The following WDR59 variants were observed in gnomAD, a reference collection of about 807,000 sequenced individuals.
WDR59 encodes WD repeat domain 59, also known as GATOR2 complex protein WDR59.
Under a neutral mutation model 131.2 loss-of-function variants are expected in WDR59, and 100 were observed. That is an observed-to-expected ratio of 0.76 (90% CI 0.65 to 0.90). WDR59 has a LOEUF of 0.90. WDR59 is among the 40% of genes least tolerant of loss of function. The probability of loss-of-function intolerance (pLI) is 0.00; values close to 1 mark genes in which losing one functional copy is unlikely to be tolerated. For synonymous variants in WDR59, 601 were observed against 466.2 expected, an observed-to-expected ratio of 1.29 and a Z score of -3.72; for missense variants, 1,203 against 1,262.2, an observed-to-expected ratio of 0.95 and a Z score of 0.71.
chr16:74,922,571 C>G (rs764394753), intron 9 of WDR59, among the ~76,000 whole-genome samples: 6 of 152,240 alleles, frequency 3.9e-5, no homozygotes, highest in Admixed American at 1.3e-4. Context: ...TTCCCGCCCC[C>G]CCGGCACTGC....
intron 6 of WDR59, 127 bp downstream of exon 6, chr16:74,948,392 C>G (rs1319365048): frequency 1.1e-6 from 1 of 906,412 alleles, no homozygotes; most frequent in East Asian, 2.4e-5. Context: ...TCAGCCACGG[C>G]GCAGCCCAGA....
intron 18 of WDR59, among the ~76,000 whole-genome samples, 194 bp downstream of exon 18, chr16:74,903,753 G>T (rs375235793): frequency 6.6e-6 from 1 of 152,060 alleles, no homozygotes; most frequent in East Asian, 1.9e-4. Flanking sequence ...ACGGCCCCCT[G>T]ACCCATACAC....
chr16:74,965,171 C>G (rs1033722994), intron 2 of WDR59, among the ~76,000 whole-genome samples: 2 of 152,154 alleles, frequency 1.3e-5, no homozygotes, highest in African/African-American at 4.8e-5. Flanking sequence ...TCGCAAGTAG[C>G]TGGGACTACA....
intron 10 of WDR59, 82 bp downstream of exon 10, chr16:74,921,865 A>G: frequency 2.0e-6 from 3 of 1,501,714 alleles, no homozygotes; most frequent in Non-Finnish European, 1.8e-6. Context: ...TGTCTTCTTT[A>G]CTGGACTCCA....
chr16:74,905,729 ATAAAAT>A (rs751339899), intron 17 of WDR59, among the ~76,000 whole-genome samples: 27 of 151,504 alleles, frequency 1.8e-4, no homozygotes, highest in Non-Finnish European at 3.4e-4. Flanking sequence ...AATAAAATAA[ATAAAAT>A]TAAAAAGTGA....
At chr16:74,967,491 T>A (rs2033820744) in intron 1 of WDR59, among the ~76,000 whole-genome samples, 1 of 152,102 alleles carries the variant, frequency 6.6e-6, no homozygotes, top group African/African-American at 2.4e-5. Context: ...TATTCAACAT[T>A]CACTGAACAC....
At chr16:74,938,292 A>G in intron 7 of WDR59, 26 bp from the exon 8 acceptor site, 1 of 1,423,914 alleles carries the variant, frequency 7.0e-7, no homozygotes, top group Non-Finnish European at 9.3e-7. Context: ...ACCTAATATT[A>G]TCGATTTAGA....
At chr16:74,969,439 ATTTT>A (rs780770395) in intron 1 of WDR59, among the ~76,000 whole-genome samples, 6 of 151,592 alleles carry the variant, frequency 4.0e-5, no homozygotes, top group Non-Finnish European at 8.8e-5. Context: ...CGCTCGGCTA[ATTTT>A]TTTATTTTTA....
chr16:74,890,119 A>G (rs1567691798), intron 20 of WDR59, among the ~76,000 whole-genome samples: 1 of 152,220 alleles, frequency 6.6e-6, no homozygotes, highest in African/African-American at 2.4e-5. Context: ...TCAGTGGGTC[A>G]TCTACTTAAC....
At position 74,956,561 on chromosome 16, in the gene WDR59, G is replaced by T; in HGVS notation, c.154C>A (p.Arg52=). The part of the protein sequence containing the change: ...VNLDAPFEGH[R]KISRQSKWDI... Reference sequence around the variant, plus strand: ...CATTTGCTCTGGCGAGAGATCTTTCGGTGACCTTCGAAAGGGGCATCTAGA... The same window carrying T: ...CATTTGCTCTGGCGAGAGATCTTTCTGTGACCTTCGAAAGGGGCATCTAGA... Residue 52 remains arginine (R), a synonymous_variant, in exon 3 of 26, where the codon CGA becomes AGA. Transcript: ENST00000262144. 3 of 1,614,010 alleles carry T rather than the reference G, an allele frequency of 1.9e-6. No individual in the cohort carries two copies. Among genetic ancestry groups the T allele is most frequent in the Non-Finnish European group, 2.5e-6 (3 of 1,180,006 alleles).
At chr16:74,949,330 C>CA (rs550013099) in intron 5 of WDR59, among the ~76,000 whole-genome samples, 2,853 of 42,116 alleles carry the variant, frequency 0.068, 114 homozygotes, top group Non-Finnish European at 0.11. Flanking sequence ...TACCTTGTCT[C>CA]AAAAAAAAAA....
intron 18 of WDR59, among the ~76,000 whole-genome samples, chr16:74,902,277 C>T (rs1452465032): frequency 1.3e-5 from 2 of 152,132 alleles, no homozygotes; most frequent in Admixed American, 1.3e-4. Context: ...TATTACGGGG[C>T]TCGAACCACC....
intron 25 of WDR59, 121 bp downstream of exon 25, chr16:74,885,532 C>T: frequency 8.2e-7 from 1 of 1,219,944 alleles, no homozygotes; most frequent in African/African-American, 1.6e-5. Context: ...ACTCAAAATG[C>T]CTCAGAAATT....
chr16:74,909,481 A>T lies in WDR59; in HGVS notation c.1642+20T>A. 1 of 1,522,620 alleles carries T rather than the reference A, an allele frequency of 6.6e-7. No homozygotes were observed. Among genetic ancestry groups the T allele is most frequent in the Non-Finnish European group, 8.8e-7 (1 of 1,137,394 alleles). The allele number at this position is 1,522,620 out of a possible 1,614,324, so 94.3% of individuals were successfully genotyped here. Reference sequence around the variant, plus strand: ...CTGCTCCCTCTCGAAATCTAGAATCAAAGAACCAAAGAGACCCACCTGCTC... The same window carrying T: ...CTGCTCCCTCTCGAAATCTAGAATCTAAGAACCAAAGAGACCCACCTGCTC... On this transcript the variant is annotated intron_variant, in intron 16 of 25. Transcript: ENST00000262144.
At position 74,893,707 on chromosome 16, in the gene WDR59, C is replaced by T; in HGVS notation, c.1972G>A (p.Val658Ile). 1 of 1,614,038 alleles carries T rather than the reference C, an allele frequency of 6.2e-7. No homozygotes were observed. Residue 658 changes from valine to isoleucine, a missense_variant, in exon 19 of 26, where the codon GTT becomes ATT. Transcript: ENST00000262144. ...IIQDIACLLP[V>I]HKSLGELYIL... ...TACAGCTCTCCCAGCGATTTGTGAACAGGCAGGAGGCAAGCAATATCCTGG... is the reference window on the plus strand; with the variant it reads ...TACAGCTCTCCCAGCGATTTGTGAATAGGCAGGAGGCAAGCAATATCCTGG...
At chr16:74,885,075 G>C in intron 25 of WDR59, among the ~76,000 whole-genome samples, 1 of 152,226 alleles carries the variant, frequency 6.6e-6, no homozygotes, top group East Asian at 1.9e-4. Flanking sequence ...AGAGGAGTCG[G>C]ACACACAGTG....
chr16:74,904,660 C>T (rs1965713964), intron 17 of WDR59, among the ~76,000 whole-genome samples: 1 of 152,188 alleles, frequency 6.6e-6, no homozygotes, highest in South Asian at 2.1e-4. Flanking sequence ...TTAGTAGGAA[C>T]TAATAAGTTG....
chr16:74,948,860 G>A (rs912213216), intron 5 of WDR59, among the ~76,000 whole-genome samples: 2 of 152,062 alleles, frequency 1.3e-5, no homozygotes, highest in Non-Finnish European at 2.9e-5. Context: ...AATTAGCCAC[G>A]TGTGGCAGGC....
chr16:74,946,428 G>C (rs888059662), intron 6 of WDR59, among the ~76,000 whole-genome samples: 2 of 152,046 alleles, frequency 1.3e-5, no homozygotes, highest in Non-Finnish European at 2.9e-5. Context: ...GAATAAGAAA[G>C]AAATGGTTTC....
Sources: allele counts gnomAD v4.1 joint callset (sites outside exome capture counted in the v4.1 genomes callset), GRCh38; gene constraint gnomAD v4.1.1; transcripts MANE v1.5; gene names NCBI Gene and HGNC (gene_info 2026-07-23, HGNC 2026-07-21).